The following EIF4B variants were observed in gnomAD, a reference collection of about 807,000 sequenced individuals.
EIF4B encodes the protein eukaryotic translation initiation factor 4B.
EIF4B carries 8 observed loss-of-function variants against 79.3 expected under a neutral mutation model. The observed-to-expected ratio is 0.10, with a 90% CI of 0.06 to 0.18. The LOEUF (loss-of-function observed/expected upper bound fraction) is 0.18. EIF4B is among the 10% of genes least tolerant of loss of function. EIF4B has a pLI of 1.00. For synonymous variants in EIF4B, 238 were observed against 274.7 expected (o/e 0.87, Z 1.32); for missense variants, 515 against 792.4 (o/e 0.65, Z 4.20).
At chr12:53,014,148 C>G (rs1565584058) in intron 1 of EIF4B, among the ~76,000 whole-genome samples, 1 of 151,500 alleles carries the variant, frequency 6.6e-6, no homozygotes, top group Non-Finnish European at 1.5e-5. Flanking sequence ...AAAGAAAAAG[C>G]AGGCCGGGCG....
intron 8 of EIF4B, among the ~76,000 whole-genome samples, chr12:53,031,476 A>G (rs946542843): frequency 6.6e-6 from 1 of 152,178 alleles, no homozygotes; most frequent in Non-Finnish European, 1.5e-5. Context: ...GGGTTTCTCC[A>G]CATTGCCCAG....
In EIF4B at chr12:53,027,783, G is replaced by A. The variant is rs369087598; in HGVS notation, c.669G>A (p.Lys223=). 5 of 1,612,892 alleles carry A rather than the reference G, an allele frequency of 3.1e-6. No homozygotes were observed. The highest frequency in any genetic ancestry group is 3.3e-5 in the Admixed American group (2 of 60,006). ...GTGTTACTTGTCTGTTTCCTCTAGA[G>A]TATCGAGATCGTTATGATTCAGACC... ...PRRGDDSFGD[K]YRDRYDSDRY... The change falls in exon 7 of 15, where the codon AAG becomes AAA. Residue 223 remains lysine, a splice_region_variant and synonymous_variant. Coordinates refer to ENST00000262056, the MANE Select transcript of EIF4B (RefSeq NM_001417.7).
intron 8 of EIF4B, among the ~76,000 whole-genome samples, chr12:53,029,392 A>G (rs1943396271): frequency 7.8e-6 from 1 of 128,554 alleles, no homozygotes; most frequent in Non-Finnish European, 1.6e-5. Context: ...TTTTTTTTTG[A>G]GACGGAGTCT....
Position 53,019,433 on chromosome 12 carries a change from A to ATTTTTT in EIF4B, c.360+428_360+429insTTTTTT, listed in dbSNP as rs1565586158. On this transcript the variant is annotated intron_variant, in intron 3 of 14. Transcript: ENST00000262056. Reference sequence around the variant, plus strand: ...AAAATAAAATCAAAATTATATATATATATATTTTTTTTTTTTCTTTTTTTT... The same window carrying ATTTTTT: ...AAAATAAAATCAAAATTATATATATATTTTTTTATATTTTTTTTTTTTCTTTTTTTT... Among the ~76,000 whole-genome samples, 240 of 32,682 alleles carry ATTTTTT rather than the reference A, an allele frequency of 7.3e-3. 1 individual carries two copies. The highest frequency in any genetic ancestry group is 0.025 in the Middle Eastern group (1 of 40). The allele number at this position is 32,682 out of a possible 152,430, so 21.4% of individuals were successfully genotyped here.
At position 53,040,128 on chromosome 12, in the gene EIF4B, C is replaced by G; in HGVS notation, c.1756-15C>G. ...TCAGGGCCTTCATTATCCTGTCACT[C>G]TCGTTGTGTTACAGAAGTTCAGTTC... On this transcript the variant is annotated splice_polypyrimidine_tract_variant and intron_variant, in intron 14 of 14. Transcript: ENST00000262056. 6.2e-7 allele frequency: 1 copy of G among 1,614,072 alleles called. No homozygotes were observed. The highest frequency in any genetic ancestry group is 1.1e-5 in the South Asian group (1 of 91,064).
chr12:53,035,714 G>A (rs949543094), intron 10 of EIF4B, among the ~76,000 whole-genome samples: 17 of 152,094 alleles, frequency 1.1e-4, no homozygotes, highest in African/African-American at 3.1e-4. Flanking sequence ...ATGTTGCCCA[G>A]GCTGGTCTCA....
intron 1 of EIF4B, among the ~76,000 whole-genome samples, chr12:53,007,446 TTTAAG>T: frequency 6.9e-6 from 1 of 144,640 alleles, no homozygotes; most frequent in Non-Finnish European, 1.5e-5. Flanking sequence ...TTTTTTTTTT[TTTAAG>T]GTAACTGTGC....
At chr12:53,035,767 A>C (rs376147396) in intron 10 of EIF4B, among the ~76,000 whole-genome samples, 1 of 151,842 alleles carries the variant, frequency 6.6e-6, no homozygotes, top group Non-Finnish European at 1.5e-5. Flanking sequence ...CCACTGTGAT[A>C]TTTTTTAAGG....
At chr12:53,013,191 G>T (rs938601321) in intron 1 of EIF4B, among the ~76,000 whole-genome samples, 20 of 152,192 alleles carry the variant, frequency 1.3e-4, no homozygotes, top group Non-Finnish European at 1.6e-4. Flanking sequence ...TACGTATATA[G>T]AACAAAGAGG....
At position 53,021,795 on chromosome 12, in the gene EIF4B, T is replaced by C; in HGVS notation, c.478-11T>C. 2 of 1,614,202 alleles carry C rather than the reference T, an allele frequency of 1.2e-6. No homozygotes were observed. Among genetic ancestry groups the C allele is most frequent in the Non-Finnish European group, 1.7e-6 (2 of 1,180,030 alleles). On this transcript the variant is annotated splice_polypyrimidine_tract_variant and intron_variant, in intron 4 of 14. Coordinates refer to ENST00000262056, the MANE Select transcript of EIF4B (RefSeq NM_001417.7). ...GGCAAAAGGTTGGTTAATATGGTCCTATGCTCTCAGTCTCTAGGTAACAGG... is the reference window on the plus strand; with the variant it reads ...GGCAAAAGGTTGGTTAATATGGTCCCATGCTCTCAGTCTCTAGGTAACAGG...
rs747657993 is a variant in EIF4B, at chr12:53,033,991, C to T, written c.1165C>T (p.Arg389Cys). Reference sequence around the variant, plus strand: ...ACAGAAGGAACAAGAGAAGTTGCAGCGTCAGCTGGATGAGCCAAAACTAGA... The same window carrying T: ...ACAGAAGGAACAAGAGAAGTTGCAGTGTCAGCTGGATGAGCCAAAACTAGA... ...RLQKEQEKLQ[R>C]QLDEPKLERR... is the part of the protein sequence containing the mutation. Residue 389 changes from arginine to cysteine, a missense_variant, in exon 9 of 15, where the codon CGT becomes TGT. Physicochemically the swap from Arg to Cys is radical, Grantham distance 180. Transcript: ENST00000262056. The T allele has an allele frequency of 1.9e-6, 3 of 1,613,592 alleles. No homozygotes were observed. The highest frequency in any genetic ancestry group is 2.5e-6 in the Non-Finnish European group (3 of 1,179,742).
At chr12:53,025,168 G>A in intron 6 of EIF4B, 1 of 453,244 alleles carries the variant, frequency 2.2e-6, no homozygotes, top group South Asian at 1.6e-5. Flanking sequence ...AAAGCCTTGG[G>A]GAGAACTATG....
chr12:53,020,757 CATG>C (rs1369902047), intron 4 of EIF4B, among the ~76,000 whole-genome samples: 1 of 152,138 alleles, frequency 6.6e-6, no homozygotes, highest in African/African-American at 2.4e-5. Context: ...TGATTACCAT[CATG>C]ATAACCTGTA....
In EIF4B at chr12:53,039,624, C is replaced by G; in HGVS notation, c.1683-6C>G. The G allele has an allele frequency of 6.2e-7, 1 of 1,613,704 alleles. No individual in the cohort carries two copies. The highest frequency in any genetic ancestry group is 8.5e-7 in the Non-Finnish European group (1 of 1,179,744). ...AAGACATGGTTTTATGCTTACGTCT[C>G]TGCAGGAAAGATGGCAAAAAGGATC... On this transcript the variant is annotated splice_polypyrimidine_tract_variant and splice_region_variant and intron_variant, in intron 13 of 14. Transcript: ENST00000262056.
intron 6 of EIF4B, 110 bp downstream of exon 6, chr12:53,022,737 A>G (rs1943267118): frequency 7.5e-7 from 1 of 1,336,628 alleles, no homozygotes. Context: ...GAAGGAGGAA[A>G]GCAGATTAAG....
At chr12:53,036,201 C>T (rs1185629921) in intron 10 of EIF4B, among the ~76,000 whole-genome samples, 2 of 152,122 alleles carry the variant, frequency 1.3e-5, no homozygotes, top group African/African-American at 4.8e-5. Context: ...CAACCTCTGC[C>T]TCCCGGGTTC....
At chr12:53,034,968 T>C (rs1943514021) in intron 10 of EIF4B, among the ~76,000 whole-genome samples, 2 of 151,352 alleles carry the variant, frequency 1.3e-5, no homozygotes, top group South Asian at 2.1e-4. Context: ...TTTTTTTTTT[T>C]TTTTTTTTTT....
chr12:53,021,150 G>T (rs994316819), intron 4 of EIF4B, among the ~76,000 whole-genome samples: 3 of 152,198 alleles, frequency 2.0e-5, no homozygotes, highest in Admixed American at 2.0e-4. Context: ...TATAAATAAT[G>T]ATGTGGGAAA....
At chr12:53,006,861 C>T (rs1435582764) in intron 1 of EIF4B, among the ~76,000 whole-genome samples, 1 of 151,110 alleles carries the variant, frequency 6.6e-6, no homozygotes, top group Admixed American at 6.6e-5. Flanking sequence ...AGGAAGGAGG[C>T]GGTTGCTGCG....
Sources: allele counts gnomAD v4.1 joint callset (sites outside exome capture counted in the v4.1 genomes callset), GRCh38; gene constraint gnomAD v4.1.1; transcripts MANE v1.5; gene names NCBI Gene and HGNC (gene_info 2026-07-23, HGNC 2026-07-21).